The following TMEM273 variants were observed in gnomAD, a reference collection of about 807,000 sequenced individuals.
TMEM273 encodes chromosome 10 open reading frame 128.
A neutral mutation model predicts 17.9 loss-of-function variants in TMEM273; 19 were observed. The ratio of observed to expected loss-of-function variants is 1.06; its 90% CI spans 0.74 to 1.55. The LOEUF (loss-of-function observed/expected upper bound fraction) is 1.55. Ranked by LOEUF, TMEM273 falls within the 40% of genes most tolerant of loss-of-function variation. The pLI is 0.00. For synonymous variants in TMEM273, 66 were observed against 62.0 expected, an observed-to-expected ratio of 1.07 and a Z score of -0.31; for missense variants, 194 against 155.6, an observed-to-expected ratio of 1.25 and a Z score of -1.31.
intron 5 of TMEM273, among the ~76,000 whole-genome samples, chr10:49,163,114 G>C (rs1429417738): frequency 6.6e-6 from 1 of 152,178 alleles, no homozygotes; most frequent in South Asian, 2.1e-4. Context: ...AGCTGCCCGG[G>C]GCAAAGGCCT....
chr10:49,168,636 A>G (rs1846347944), intron 1 of TMEM273, among the ~76,000 whole-genome samples: 1 of 147,564 alleles, frequency 6.8e-6, no homozygotes, highest in Admixed American at 6.7e-5. Context: ...CACAGGAGGC[A>G]TTAATAGACA....
At chr10:49,187,232 T>A (rs1044163358) in intron 1 of TMEM273, among the ~76,000 whole-genome samples, 1 of 152,186 alleles carries the variant, frequency 6.6e-6, no homozygotes, top group Non-Finnish European at 1.5e-5. Context: ...CCCTTCACAG[T>A]CACTGCCAAC....
intron 1 of TMEM273, among the ~76,000 whole-genome samples, chr10:49,173,703 G>A (rs144256440): frequency 1.3e-5 from 2 of 152,300 alleles, no homozygotes; most frequent in Admixed American, 6.5e-5. Context: ...GAGAGCCCTC[G>A]GAAGCTGGAC....
intron 1 of TMEM273, among the ~76,000 whole-genome samples, chr10:49,178,710 A>T (rs147309818): frequency 6.6e-6 from 1 of 152,318 alleles, no homozygotes; most frequent in African/African-American, 2.4e-5. Context: ...GCCTTCCTGG[A>T]TACTCTAGTT....
intron 5 of TMEM273, among the ~76,000 whole-genome samples, chr10:49,162,706 C>A (rs144596746): frequency 7.2e-5 from 11 of 152,286 alleles, no homozygotes; most frequent in African/African-American, 2.4e-4. Flanking sequence ...AAGCACCCAG[C>A]AGAGGGCCCC....
Position 49,167,945 on chromosome 10 carries a change from C to T in TMEM273, c.61G>A (p.Val21Met). 6.2e-7 allele frequency: 1 copy of T among 1,614,098 alleles called. No homozygotes were observed. The highest frequency in any genetic ancestry group is 8.5e-7 in the Non-Finnish European group (1 of 1,180,006). Residue 21 changes from valine to methionine, a missense_variant, in exon 2 of 7, where the codon GTG (valine) becomes ATG (methionine). Coordinates refer to ENST00000374153, the MANE Select transcript of TMEM273 (RefSeq NM_001288740.3). ...LFLLDVGGAQ[V>M]LATGKTPGAE... ...CCAGGGGTCTTGCCTGTTGCCAGCACTTGAGCTCCTCCTACATCTGCAAAG... is the reference window on the plus strand; with the variant it reads ...CCAGGGGTCTTGCCTGTTGCCAGCATTTGAGCTCCTCCTACATCTGCAAAG...
intron 5 of TMEM273, 133 bp from the exon 6 acceptor site, chr10:49,161,755 C>T (rs1201352501): frequency 1.9e-6 from 2 of 1,052,656 alleles, no homozygotes; most frequent in African/African-American, 1.6e-5. Flanking sequence ...CATGACTCAG[C>T]CTGACTCCAT....
chr10:49,186,056 A>AGAAGAAGAG (rs1564651918), intron 1 of TMEM273, among the ~76,000 whole-genome samples: 3 of 148,812 alleles, frequency 2.0e-5, no homozygotes, highest in East Asian at 2.0e-4. Context: ...AAGAAGAGGA[A>AGAAGAAGAG]GAAGAAGAAG....
In TMEM273 at chr10:49,166,854, C is replaced by T; in HGVS notation, c.238+15G>A. 6.2e-7 allele frequency: 1 copy of T among 1,613,114 alleles called. No homozygotes were observed. Among genetic ancestry groups the T allele is most frequent in the South Asian group, 1.1e-5 (1 of 91,090 alleles). ...TGGGTGGGGCAGAGCCAGGCCCGAG[C>T]ACCACATCCCTCACCACTGAGGCCC... On this transcript the variant is annotated intron_variant, in intron 3 of 6. Transcript: ENST00000374153.
chr10:49,171,493 T>C (rs1846566230), intron 1 of TMEM273, among the ~76,000 whole-genome samples: 1 of 152,228 alleles, frequency 6.6e-6, no homozygotes. Context: ...ACAAGGGCAC[T>C]CGATGGGCTC....
At position 49,165,248 on chromosome 10, in the gene TMEM273, G is replaced by A; in HGVS notation, c.305C>T (p.Ser102Phe). ...GATGCAGTGGTGACACTGAAGCAGG[G>A]ATTTGAAGGAAAAGAGGGTCGAGGC... is the stretch of plus-strand genomic sequence containing the variant. ...LQASTLFSFK[S>F]LLQCHHCIME... Residue 102 changes from serine to phenylalanine, a missense_variant, in exon 5 of 7, where the codon TCC becomes TTC. Transcript: ENST00000374153. 2 of 1,550,572 alleles carry A rather than the reference G, an allele frequency of 1.3e-6. No individual in the cohort carries two copies. The highest frequency in any genetic ancestry group is 1.7e-6 in the Non-Finnish European group (2 of 1,147,006).
In TMEM273 at chr10:49,154,846, T is replaced by C. The variant is rs961739451; in HGVS notation, c.*1046A>G. The C allele has an allele frequency of 2.7e-4, 41 of 152,340 alleles. No individual in the cohort carries two copies. The highest frequency in any genetic ancestry group is 9.4e-4 in the African/African-American group (39 of 41,576). 9.4% of individuals were successfully genotyped at this position (152,340 alleles called of 1,614,324 possible). A position where few individuals can be genotyped will look rare whatever the true frequency, so the allele number is the denominator to read the frequency against. The stretch of plus-strand genomic sequence containing the variant: ...AGGCTGCTAATGAACAGCATCGTTA[T>C]CAAGTTGGGTAAGAGACGCCCTGGG... On this transcript the variant is annotated 3_prime_UTR_variant, in exon 7 of 7. Coordinates refer to ENST00000374153, the MANE Select transcript of TMEM273 (RefSeq NM_001288740.3).
intron 1 of TMEM273, among the ~76,000 whole-genome samples, chr10:49,174,912 T>C (rs1023923434): frequency 2.6e-5 from 4 of 152,146 alleles, no homozygotes; most frequent in Non-Finnish European, 5.9e-5. Context: ...CGGCAGTCCC[T>C]GCTAATGCGT....
chr10:49,158,016 A>G (rs1162741646), intron 6 of TMEM273, among the ~76,000 whole-genome samples: 1 of 152,160 alleles, frequency 6.6e-6, no homozygotes, highest in Non-Finnish European at 1.5e-5. Flanking sequence ...TCAAAATACA[A>G]TCAATGACCA....
intron 1 of TMEM273, among the ~76,000 whole-genome samples, chr10:49,170,043 T>C (rs1236647406): frequency 6.6e-6 from 1 of 150,406 alleles, no homozygotes; most frequent in Non-Finnish European, 1.5e-5. Flanking sequence ...CCTCCCATCC[T>C]CCCTTGGTGG....
At chr10:49,157,001 G>A (rs1170391353) in intron 6 of TMEM273, among the ~76,000 whole-genome samples, 1 of 152,184 alleles carries the variant, frequency 6.6e-6, no homozygotes, top group Non-Finnish European at 1.5e-5. Flanking sequence ...GGGGTTTAGA[G>A]GCCCAGAGGC....
chr10:49,179,988 C>A (rs1287291439), intron 1 of TMEM273, among the ~76,000 whole-genome samples: 1 of 152,196 alleles, frequency 6.6e-6, no homozygotes, highest in African/African-American at 2.4e-5. Context: ...TTATAAGGAG[C>A]CCCCACTCCC....
chr10:49,180,307 G>A (rs977162390), intron 1 of TMEM273, among the ~76,000 whole-genome samples: 18 of 152,146 alleles, frequency 1.2e-4, no homozygotes, highest in African/African-American at 4.3e-4. Context: ...GCCCACCCAA[G>A]CCCGAGGCTG....
At chr10:49,182,730 A>G (rs1045474513) in intron 1 of TMEM273, among the ~76,000 whole-genome samples, 1 of 152,244 alleles carries the variant, frequency 6.6e-6, no homozygotes, top group African/African-American at 2.4e-5. Context: ...AAATTTAAAA[A>G]TACTGATTGG....
Sources: gnomAD v4.1 joint callset for allele counts (sites outside exome capture counted in the v4.1 genomes callset) on GRCh38, gnomAD v4.1.1 for gene constraint, MANE v1.5 for transcripts, NCBI Gene and HGNC (gene_info 2026-07-23, HGNC 2026-07-21) for gene names.